The following TMEM108 variants were observed in gnomAD, a reference collection of about 807,000 sequenced individuals.
The protein encoded by TMEM108 is cancer/testis antigen 124.
TMEM108 carries 12 observed loss-of-function variants against 35.1 expected under a neutral mutation model. The observed-to-expected ratio is 0.34, with a 90% CI of 0.22 to 0.55. TMEM108 has a LOEUF of 0.55. Among genes scored for constraint, TMEM108 ranks in the 20% least tolerant of loss-of-function variants. The pLI, the probability that TMEM108 is intolerant of heterozygous loss-of-function variation, is 0.89. For missense variants in TMEM108, 680 were observed against 753.3 expected (o/e 0.90, Z 1.14); for synonymous variants, 287 against 308.6 (o/e 0.93, Z 0.73).
At position 133,380,003 on chromosome 3, in the gene TMEM108, TCCA is replaced by T; in HGVS notation, c.296_298del (p.Thr99del). On this transcript the variant is annotated inframe_deletion, in exon 4 of 6. Transcript: ENST00000321871. This position sits in a 1 kb window ranked among gnomAD's most constrained non-coding sequence, Gnocchi z 5.3. ...GGGGCACCCTCCTACGCACACCATC[TCCA>T]CCATCGCTGCGACAGTAACCGCCCC... 1.9e-6 allele frequency: 3 copies of T among 1,611,666 alleles called. No homozygotes were observed. The South Asian group carries it at 3.3e-5, about 18-fold the overall frequency.
intron 3 of TMEM108, among the ~76,000 whole-genome samples, chr3:133,263,806 G>A (rs1275156667): frequency 6.6e-6 from 1 of 152,194 alleles, no homozygotes; most frequent in Non-Finnish European, 1.5e-5. Context: ...ACAAGGGATA[G>A]GAGAGCTACT....
intron 3 of TMEM108, among the ~76,000 whole-genome samples, chr3:133,294,767 A>C (rs1441975971): frequency 6.6e-6 from 1 of 152,222 alleles, no homozygotes; most frequent in African/African-American, 2.4e-5. Context: ...CATTCCCTTT[A>C]ATAATGTTGG....
At chr3:133,047,139 C>T (rs753141865) in intron 2 of TMEM108, among the ~76,000 whole-genome samples, 4 of 152,240 alleles carry the variant, frequency 2.6e-5, no homozygotes, top group Middle Eastern at 3.4e-3. Context: ...CTGCAAAGTA[C>T]GTCAGCAGAA....
chr3:133,291,688 C>T (rs1049202569), intron 3 of TMEM108, among the ~76,000 whole-genome samples: 5 of 152,022 alleles, frequency 3.3e-5, no homozygotes, highest in Admixed American at 2.0e-4. Context: ...ATTATAAGCC[C>T]CTTAGATGTC....
intron 2 of TMEM108, among the ~76,000 whole-genome samples, chr3:133,139,164 G>A (rs756665531): frequency 1.3e-5 from 2 of 152,124 alleles, no homozygotes; most frequent in Non-Finnish European, 2.9e-5. Context: ...GTCTATCATT[G>A]ATGGACATTT....
chr3:133,383,408 C>CAA (rs776793069), intron 4 of TMEM108, among the ~76,000 whole-genome samples: 1 of 152,198 alleles, frequency 6.6e-6, no homozygotes, highest in Non-Finnish European at 1.5e-5. Context: ...TCTGGTAATA[C>CAA]AAAATCTGTT....
At chr3:133,390,600 A>AAT (rs2073220160) in intron 5 of TMEM108, among the ~76,000 whole-genome samples, 1 of 152,176 alleles carries the variant, frequency 6.6e-6, no homozygotes, top group African/African-American at 2.4e-5. Context: ...CAAGTGAACA[A>AAT]ATACTCAGTG....
intron 5 of TMEM108, among the ~76,000 whole-genome samples, chr3:133,391,559 T>G (rs548518122): frequency 2.6e-5 from 4 of 152,192 alleles, no homozygotes; most frequent in Admixed American, 2.6e-4. Flanking sequence ...AGGCCAACTT[T>G]CCAGCCTCAC....
At chr3:133,250,936 G>A (rs750658461) in intron 3 of TMEM108, among the ~76,000 whole-genome samples, 2 of 151,930 alleles carry the variant, frequency 1.3e-5, no homozygotes, top group Non-Finnish European at 2.9e-5. Context: ...TTGGTATTGA[G>A]CCACTTGTGT....
At chr3:133,308,617 A>G (rs1295953738) in intron 3 of TMEM108, among the ~76,000 whole-genome samples, 1 of 152,170 alleles carries the variant, frequency 6.6e-6, no homozygotes, top group Non-Finnish European at 1.5e-5. Flanking sequence ...TATTGAGATA[A>G]TCATGTGGTT....
intron 3 of TMEM108, among the ~76,000 whole-genome samples, chr3:133,339,196 A>G (rs1044307884): frequency 2.0e-5 from 3 of 151,816 alleles, no homozygotes; most frequent in African/African-American, 7.2e-5. Flanking sequence ...ACCAAGACCT[A>G]ATTATCAGTT....
At chr3:133,185,594 T>C (rs912836736) in intron 2 of TMEM108, among the ~76,000 whole-genome samples, 1 of 151,058 alleles carries the variant, frequency 6.6e-6, no homozygotes, top group Non-Finnish European at 1.5e-5. Flanking sequence ...TTTGCCTCTG[T>C]GTGTCAGGTT....
intron 3 of TMEM108, among the ~76,000 whole-genome samples, chr3:133,347,603 C>T (rs970923174): frequency 6.6e-6 from 1 of 152,028 alleles, no homozygotes; most frequent in Admixed American, 6.6e-5. Context: ...TATTTATTCT[C>T]AATCTGTATA....
chr3:133,319,671 T>C (rs1250731054), intron 3 of TMEM108, among the ~76,000 whole-genome samples: 7 of 152,162 alleles, frequency 4.6e-5, no homozygotes, highest in African/African-American at 1.7e-4. Context: ...GTATCCATGT[T>C]TGGGAGACCT....
chr3:133,183,332 T>G (rs1945374772), intron 2 of TMEM108, among the ~76,000 whole-genome samples: 1 of 152,224 alleles, frequency 6.6e-6, no homozygotes. Flanking sequence ...TCCTAAGGCA[T>G]ATGATTCCTA....
At chr3:133,173,689 T>C (rs1312822514) in intron 2 of TMEM108, among the ~76,000 whole-genome samples, 3 of 152,080 alleles carry the variant, frequency 2.0e-5, no homozygotes, top group Non-Finnish European at 4.4e-5. Context: ...GAAGTGACCC[T>C]AAAAAATAAA....
chr3:133,381,172 CCCTCTCCCACCCAT>C lies in TMEM108; in HGVS notation c.1450+20_1450+33del, dbSNP rs764061812. On this transcript the variant is annotated intron_variant, in intron 4 of 5. Transcript: ENST00000321871. Reference sequence around the variant, plus strand: ...CCATCTCCTCCTGCTGTAAGTGCCGCCCTCTCCCACCCATCCTCTCCCTCTACCACATCACTGGC... The same window carrying C: ...CCATCTCCTCCTGCTGTAAGTGCCGCCCTCTCCCTCTACCACATCACTGGC... 4.7e-5 allele frequency: 74 copies of C among 1,576,636 alleles called. No homozygotes were observed. The African/African-American group carries it at 8.8e-4, about 19-fold the overall frequency.
Position 133,396,425 on chromosome 3 carries a change from G to A in TMEM108, c.*439G>A, listed in dbSNP as rs1419086730. On this transcript the variant is annotated 3_prime_UTR_variant, in exon 6 of 6. Coordinates refer to ENST00000321871, the MANE Select transcript of TMEM108 (RefSeq NM_023943.4). Reference sequence around the variant, plus strand: ...CTTCTCATACGCACACCTGTAAAGGGAACTGGACCGCCTCAGGGGAAGACG... The same window carrying A: ...CTTCTCATACGCACACCTGTAAAGGAAACTGGACCGCCTCAGGGGAAGACG... 1 of 152,702 alleles carries A rather than the reference G, an allele frequency of 6.5e-6. No individual in the cohort carries two copies. Among genetic ancestry groups the A allele is most frequent in the Non-Finnish European group, 1.5e-5 (1 of 68,506 alleles). 9.5% of individuals were successfully genotyped at this position (152,702 alleles called of 1,614,324 possible).
intron 2 of TMEM108, among the ~76,000 whole-genome samples, chr3:133,102,878 C>CT (rs1426209860): frequency 6.6e-6 from 1 of 151,806 alleles, no homozygotes; most frequent in African/African-American, 2.4e-5. Flanking sequence ...CCATTCAAAC[C>CT]CCCAATGAGA....
Sources: allele counts gnomAD v4.1 joint callset (sites outside exome capture counted in the v4.1 genomes callset), GRCh38; gene constraint gnomAD v4.1.1; non-coding constraint Gnocchi (gnomAD v3.1); transcripts MANE v1.5; gene names NCBI Gene and HGNC (gene_info 2026-07-23, HGNC 2026-07-21).